Variants in DDX60 observed in about 807,000 individuals in gnomAD.
DDX60 encodes the protein DExD/H-box helicase 60, also known as probable ATP-dependent RNA helicase DDX60.
DDX60 carries 165 observed loss-of-function variants against 212.8 expected under a neutral mutation model. That is an observed-to-expected ratio of 0.78 (90% CI 0.68 to 0.88). DDX60 has a LOEUF of 0.88. Ranked by LOEUF, DDX60 falls within the 40% of genes least tolerant of loss-of-function variation. DDX60 has a pLI of 0.00. For missense variants in DDX60, 1,905 were observed against 2,003.9 expected, an observed-to-expected ratio of 0.95 and a Z score of 0.94; for synonymous variants, 703 against 685.3, an observed-to-expected ratio of 1.03 and a Z score of -0.40.
At chr4:168,251,316 T>C (rs886790785) in intron 27 of DDX60, among the ~76,000 whole-genome samples, 3 of 152,200 alleles carry the variant, frequency 2.0e-5, no homozygotes, top group African/African-American at 7.2e-5. Context: ...TCTTAAACTG[T>C]CTTACTCCAC....
chr4:168,220,594 T>G (rs1733018392), intron 37 of DDX60, 61 bp downstream of exon 37: 1 of 1,021,422 alleles, frequency 9.8e-7, no homozygotes, highest in East Asian at 2.9e-5. Flanking sequence ...AGCTCAACAT[T>G]TTTCAAATTA....
In DDX60 at chr4:168,280,494, A is replaced by C. The variant is rs1490979089; in HGVS notation, c.1819T>G (p.Ser607Ala). The C allele has an allele frequency of 6.2e-7, 1 of 1,614,174 alleles. No individual in the cohort carries two copies. ...EEQKWNALSF[S>A]IEEQLKENLH... The stretch of plus-strand genomic sequence containing the variant: ...TTTTCTTTCAATTGCTCTTCAATAG[A>C]AAATGACAAAGCATTCCACTTTTGC... Residue 607 changes from serine to alanine, a missense_variant, in exon 14 of 38, where the codon TCT (serine) becomes GCT (alanine). Physicochemically the swap from Ser to Ala is moderately conservative, Grantham distance 99. Coordinates refer to ENST00000393743, the MANE Select transcript of DDX60 (RefSeq NM_017631.6).
At chr4:168,289,657 T>C (rs752387537) in intron 8 of DDX60, among the ~76,000 whole-genome samples, 1 of 152,080 alleles carries the variant, frequency 6.6e-6, no homozygotes, top group Admixed American at 6.6e-5. Context: ...CACTCAAAAC[T>C]CAGTATTTCC....
At chr4:168,256,877 T>C (rs1734433153) in intron 25 of DDX60, among the ~76,000 whole-genome samples, 2 of 152,234 alleles carry the variant, frequency 1.3e-5, no homozygotes, top group South Asian at 4.1e-4. Context: ...AAAGTTTTTA[T>C]AGAGCTAACA....
rs1320680317 is a variant in DDX60, at chr4:168,216,972, T to C, written c.5100A>G (p.Gln1700=). The change falls in exon 38 of 38, where the codon CAA becomes CAG. Residue 1700 remains glutamine (Q), a synonymous_variant. Coordinates refer to ENST00000393743, the MANE Select transcript of DDX60 (RefSeq NM_017631.6). ...ACTTTTCCCAAAAAGTTGTACTCAG[T>C]TGTTCAAAGGCTAAGACAACGTTGT... ...EDDNVVLAFE[Q]LSTTFWEKLN... 6.2e-7 allele frequency: 1 copy of C among 1,606,190 alleles called. No homozygotes were observed. The highest frequency in any genetic ancestry group is 2.3e-5 in the East Asian group (1 of 44,430).
At chr4:168,221,131 A>G (rs1733036999) in intron 36 of DDX60, among the ~76,000 whole-genome samples, 1 of 152,146 alleles carries the variant, frequency 6.6e-6, no homozygotes, top group South Asian at 2.1e-4. Context: ...ATATTTTAAT[A>G]CCTTCATTCT....
At chr4:168,259,469 A>G (rs780695482) in intron 25 of DDX60, among the ~76,000 whole-genome samples, 2 of 152,162 alleles carry the variant, frequency 1.3e-5, no homozygotes, top group African/African-American at 4.8e-5. Flanking sequence ...ATTTGCAAAC[A>G]CAATCTTACA....
At chr4:168,286,416 A>ACACACACACACACACACC (rs774764702) in intron 10 of DDX60, among the ~76,000 whole-genome samples, 16 of 115,824 alleles carry the variant, frequency 1.4e-4, no homozygotes, top group African/African-American at 4.3e-4. Flanking sequence ...ACACACACAC[A>ACACACACACACACACACC]CCACACGAGA....
At chr4:168,318,378 T>C (rs1289473728) in intron 1 of DDX60, among the ~76,000 whole-genome samples, 1 of 152,266 alleles carries the variant, frequency 6.6e-6, no homozygotes, top group African/African-American at 2.4e-5. Flanking sequence ...CACTCCTCTC[T>C]GTCTCAGACT....
chr4:168,269,007 T>TGA, intron 19 of DDX60, 38 bp from the exon 20 acceptor site: 1 of 1,238,542 alleles, frequency 8.1e-7, no homozygotes, highest in Non-Finnish European at 1.1e-6. Context: ...ACTGAAAAGT[T>TGA]GATTTAAAAA....
chr4:168,267,515 CATTT>C (rs1311462209), intron 22 of DDX60, 63 bp downstream of exon 22: 26 of 665,688 alleles, frequency 3.9e-5, no homozygotes, highest in Non-Finnish European at 1.1e-5. Flanking sequence ...AATTAGGCAG[CATTT>C]ATTTATAATA....
chr4:168,259,113 T>C (rs1007940314), intron 25 of DDX60, among the ~76,000 whole-genome samples: 7 of 152,212 alleles, frequency 4.6e-5, no homozygotes, highest in Admixed American at 2.0e-4. Context: ...TTCTGCACCA[T>C]ATAAAACATA....
At chr4:168,245,570 T>C (rs2099581981) in intron 30 of DDX60, among the ~76,000 whole-genome samples, 1 of 152,214 alleles carries the variant, frequency 6.6e-6, no homozygotes, top group Non-Finnish European at 1.5e-5. Context: ...GGGGAAATTT[T>C]GGTCTTAAAA....
chr4:168,234,971 C>T lies in DDX60; in HGVS notation c.4533+1281G>A, dbSNP rs1477576299. ...GATTTTGAGAATAAGGCTAGTTAGT[C>T]TTCGTCTTCTCAAATCTAAAAGACT... On this transcript the variant is annotated intron_variant, in intron 33 of 37. Transcript: ENST00000393743. 2.6e-5 allele frequency among the ~76,000 whole-genome samples: 4 copies of T among 152,088 alleles called. No homozygotes were observed. In the East Asian group the frequency reaches 7.8e-4, roughly 29 times the overall value.
intron 26 of DDX60, among the ~76,000 whole-genome samples, chr4:168,254,692 A>G (rs1459489362): frequency 6.6e-6 from 1 of 152,204 alleles, no homozygotes; most frequent in Non-Finnish European, 1.5e-5. Flanking sequence ...GAAAGTGTAG[A>G]AGAACATAGG....
rs148341432 is a variant in DDX60 at position 168,220,677 on chromosome 4, C to A, written c.5017G>T (p.Ala1673Ser). ...CACCTGATAGATTTAATGGTGAGTGCAAAATCCTTCAACAAATAATAAGCA... is the reference window on the plus strand; with the variant it reads ...CACCTGATAGATTTAATGGTGAGTGAAAAATCCTTCAACAAATAATAAGCA... The part of the protein sequence containing the change: ...GDAYYLLKDF[A>S]LTIKSISVSL... The change falls in exon 37 of 38, where the codon GCA (alanine) becomes TCA (serine). Residue 1673 changes from alanine (A) to serine (S), a missense_variant. Physicochemically the swap from Ala to Ser is moderately conservative, Grantham distance 99. Coordinates refer to ENST00000393743, the MANE Select transcript of DDX60 (RefSeq NM_017631.6). 50 of 1,459,416 alleles carry A rather than the reference C, an allele frequency of 3.4e-5. No individual in the cohort carries two copies. The African/African-American group carries it at 6.5e-4, about 19-fold the overall frequency. 90.4% of individuals were successfully genotyped at this position (1,459,416 alleles called of 1,614,324 possible). A position where few individuals can be genotyped will look rare whatever the true frequency, so the allele number is the denominator to read the frequency against.
At position 168,260,922 on chromosome 4, in the gene DDX60, A is replaced by G. The variant is rs1171930771; in HGVS notation, c.3341T>C (p.Phe1114Ser). The change falls in exon 25 of 38, where the codon TTT (phenylalanine) becomes TCT (serine). Residue 1114 changes from phenylalanine (F) to serine (S), a missense_variant. Coordinates refer to ENST00000393743, the MANE Select transcript of DDX60 (RefSeq NM_017631.6). The stretch of plus-strand genomic sequence containing the variant: ...CCTTAGTTTTTCAACTAGAAGTGGA[A>G]ACATGGTGATCATGTTTTCTGGACT... ...DLSPENMITM[F>S]PLLVEKLRKM... is the part of the protein sequence containing the mutation. The G allele has an allele frequency of 6.2e-7, 1 of 1,612,600 alleles. No homozygotes were observed. The highest frequency in any genetic ancestry group is 2.2e-5 in the East Asian group (1 of 44,826).
rs564508540 is a variant in DDX60, at chr4:168,261,907, G to A, written c.3273+93C>T. 4.4e-6 allele frequency: 6 copies of A among 1,368,990 alleles called. No homozygotes were observed. The African/African-American group carries it at 9.2e-5, about 21-fold the overall frequency. The allele number at this position is 1,368,990 out of a possible 1,614,324, so 84.8% of individuals were successfully genotyped here. On this transcript the variant is annotated intron_variant, in intron 24 of 37. Transcript: ENST00000393743. ...TTAAATTTCTAAAATAAAAATTGAG[G>A]ATTAAAAAAAATCAGAAAATGGTAT...
At chr4:168,268,066 T>A (rs1261751294) in intron 20 of DDX60, 83 bp from the exon 21 acceptor site, 2 of 1,203,748 alleles carry the variant, frequency 1.7e-6, no homozygotes, top group East Asian at 2.4e-5. Flanking sequence ...AAAGACAATT[T>A]CATCTTCCTT....
Sources: gnomAD v4.1 joint callset for allele counts (sites outside exome capture counted in the v4.1 genomes callset) on GRCh38, gnomAD v4.1.1 for gene constraint, MANE v1.5 for transcripts, NCBI Gene and HGNC (gene_info 2026-07-23, HGNC 2026-07-21) for gene names.